The following PLEKHA7 variants were observed in gnomAD, a reference collection of about 807,000 sequenced individuals.
PLEKHA7 encodes pleckstrin homology domain containing A7.
In PLEKHA7, 104 loss-of-function variants were observed where a neutral mutation model predicts 170.0. The ratio of observed to expected loss-of-function variants is 0.61; its 90% CI spans 0.52 to 0.72. The LOEUF is 0.72. PLEKHA7 is among the 30% of genes least tolerant of loss of function. The probability of loss-of-function intolerance (pLI) is 0.00; values close to 1 mark genes in which losing one functional copy is unlikely to be tolerated. For missense variants in PLEKHA7, 1,615 were observed against 1,671.7 expected, an observed-to-expected ratio of 0.97 and a Z score of 0.59; for synonymous variants, 648 against 660.8, an observed-to-expected ratio of 0.98 and a Z score of 0.30.
intron 3 of PLEKHA7, among the ~76,000 whole-genome samples, chr11:16,876,196 A>G (rs945150428): frequency 6.6e-6 from 1 of 152,220 alleles, no homozygotes; most frequent in Admixed American, 6.5e-5. Context: ...TGTCTCAAGA[A>G]GTATTTAGCA....
chr11:16,934,918 T>C (rs1009600099), intron 3 of PLEKHA7, among the ~76,000 whole-genome samples: 2 of 152,258 alleles, frequency 1.3e-5, no homozygotes, highest in Non-Finnish European at 2.9e-5. Context: ...TTAGCACCTG[T>C]ATTTTTCATA....
At chr11:16,866,298 G>A (rs767339343) in intron 4 of PLEKHA7, among the ~76,000 whole-genome samples, 3 of 152,088 alleles carry the variant, frequency 2.0e-5, no homozygotes, top group Non-Finnish European at 2.9e-5. Flanking sequence ...CCTCAGTAAA[G>A]AGGGCAGAGC....
At chr11:16,818,491 C>T (rs1849948126) in intron 10 of PLEKHA7, among the ~76,000 whole-genome samples, 1 of 152,208 alleles carries the variant, frequency 6.6e-6, no homozygotes, top group Non-Finnish European at 1.5e-5. Flanking sequence ...CATGCCTTCC[C>T]CCACGTGGAC....
intron 8 of PLEKHA7, among the ~76,000 whole-genome samples, chr11:16,850,808 G>A (rs1038547023): frequency 5.3e-5 from 8 of 152,202 alleles, no homozygotes; most frequent in Non-Finnish European, 1.2e-4. Context: ...AACCTTCAAT[G>A]TGAGTTTTCA....
In PLEKHA7 at chr11:17,014,060, A is replaced by G; in HGVS notation, c.164-14T>C. 1 of 1,572,792 alleles carries G rather than the reference A, an allele frequency of 6.4e-7. No homozygotes were observed. The highest frequency in any genetic ancestry group is 8.6e-7 in the Non-Finnish European group (1 of 1,160,066). ...CGCGGGGCAGGTCTGCGGAAACGCC[A>G]GAAAAGTCGGGTCAAACTTGGGCCG... On this transcript the variant is annotated splice_polypyrimidine_tract_variant and intron_variant, in intron 2 of 26. Coordinates refer to ENST00000531066, the MANE Select transcript of PLEKHA7 (RefSeq NM_001329630.2).
intron 3 of PLEKHA7, among the ~76,000 whole-genome samples, chr11:16,896,107 GTCTC>G (rs1431042734): frequency 2.6e-5 from 4 of 152,136 alleles, no homozygotes; most frequent in Non-Finnish European, 5.9e-5. Context: ...CCCTAAAGCT[GTCTC>G]TCTGAGTTCC....
chr11:16,810,358 C>T (rs563639584), intron 13 of PLEKHA7, among the ~76,000 whole-genome samples: 6 of 152,338 alleles, frequency 3.9e-5, no homozygotes, highest in Admixed American at 6.5e-5. Context: ...AGCAGGCCTA[C>T]TGCCTCCTGA....
chr11:16,900,771 C>G (rs1222381324), intron 3 of PLEKHA7, among the ~76,000 whole-genome samples: 1 of 151,980 alleles, frequency 6.6e-6, no homozygotes, highest in African/African-American at 2.4e-5. Context: ...TCACTTTTTT[C>G]CCCCAAAAAA....
At chr11:17,004,387 TTTTC>T (rs1463637913) in intron 3 of PLEKHA7, among the ~76,000 whole-genome samples, 7 of 101,756 alleles carry the variant, frequency 6.9e-5, no homozygotes, top group South Asian at 4.5e-4. Context: ...TTTTTTTCCT[TTTTC>T]TTTTTCTTTT....
intron 15 of PLEKHA7, 59 bp from the exon 16 acceptor site, chr11:16,801,876 C>A: frequency 3.8e-6 from 6 of 1,597,650 alleles, no homozygotes; most frequent in South Asian, 3.3e-5. Context: ...GAGGCCTCCC[C>A]ATACCACACC....
Position 16,817,062 on chromosome 11 carries a change from C to T in PLEKHA7, c.1604G>A (p.Gly535Asp), listed in dbSNP as rs1301872695. The T allele has an allele frequency of 1.2e-6, 2 of 1,610,958 alleles. No individual in the cohort carries two copies. Among genetic ancestry groups the T allele is most frequent in the Admixed American group, 3.3e-5 (2 of 59,868 alleles). ...EWQQRQQFRH[G>D]SPTAPICLGS... ...AAGGCAGATGGGCGCTGTGGGGCTG[C>T]CGTGCCGGAACTGCTGGCGCTGCTG... The change falls in exon 11 of 27, where the codon GGC (glycine) becomes GAC (aspartate). Residue 535 changes from glycine to aspartate, a missense_variant. Gly to Asp is a moderately conservative substitution (Grantham distance 94). Coordinates refer to ENST00000531066, the MANE Select transcript of PLEKHA7 (RefSeq NM_001329630.2). The surrounding 1 kb of genome is among the most constrained non-coding windows in gnomAD (Gnocchi z 4.4).
chr11:16,815,006 G>C (rs887539875), intron 12 of PLEKHA7, among the ~76,000 whole-genome samples: 3 of 152,236 alleles, frequency 2.0e-5, no homozygotes, highest in African/African-American at 7.2e-5. Context: ...AGAAGGGTAG[G>C]CTCAGCTTCC....
chr11:16,962,653 G>GT (rs1862137338), intron 3 of PLEKHA7, among the ~76,000 whole-genome samples: 1 of 152,100 alleles, frequency 6.6e-6, no homozygotes, highest in Non-Finnish European at 1.5e-5. Flanking sequence ...TAGAGATGTG[G>GT]TTTCACCATG....
chr11:16,964,265 C>G (rs1290478301), intron 3 of PLEKHA7, among the ~76,000 whole-genome samples: 1 of 152,206 alleles, frequency 6.6e-6, no homozygotes, highest in Non-Finnish European at 1.5e-5. Flanking sequence ...ATGAATAATG[C>G]TGCAATGCAC....
intron 8 of PLEKHA7, chr11:16,842,707 T>G (rs948856106): frequency 1.3e-5 from 2 of 152,082 alleles, no homozygotes; most frequent in African/African-American, 4.8e-5. Context: ...TGTGCTCTGA[T>G]AAACCAGAGA....
intron 9 of PLEKHA7, among the ~76,000 whole-genome samples, chr11:16,837,026 G>A (rs528254733): frequency 2.8e-4 from 43 of 152,174 alleles, no homozygotes; most frequent in South Asian, 8.3e-4. Flanking sequence ...GTTTCACCAC[G>A]TTGGCCAGGC....
At chr11:16,946,802 C>T (rs746669600) in intron 3 of PLEKHA7, among the ~76,000 whole-genome samples, 4 of 152,266 alleles carry the variant, frequency 2.6e-5, no homozygotes, top group Non-Finnish European at 4.4e-5. Context: ...CCCCCTCCCC[C>T]ACAGAGACAA....
chr11:16,956,026 G>A (rs961309249), intron 3 of PLEKHA7, among the ~76,000 whole-genome samples: 1 of 152,152 alleles, frequency 6.6e-6, no homozygotes, highest in African/African-American at 2.4e-5. Context: ...AAAAAAGTTA[G>A]GGATGAGTAT....
At chr11:16,786,087 G>T in intron 24 of PLEKHA7, 142 bp downstream of exon 24, 1 of 960,716 alleles carries the variant, frequency 1.0e-6, no homozygotes, top group Non-Finnish European at 1.5e-6. Context: ...GCCTTAAGCT[G>T]CTATCCATCC....
Sources: gnomAD v4.1 joint callset for allele counts (sites outside exome capture counted in the v4.1 genomes callset) on GRCh38, gnomAD v4.1.1 for gene constraint, Gnocchi (gnomAD v3.1) non-coding constraint, MANE v1.5 for transcripts, NCBI Gene and HGNC (gene_info 2026-07-23, HGNC 2026-07-21) for gene names.